C4orf51: variants seen among roughly 807,000 people sequenced by gnomAD.
The protein encoded by C4orf51 is chromosome 4 open reading frame 51.
In C4orf51, 25 loss-of-function variants were observed where a neutral mutation model predicts 25.2. That is an observed-to-expected ratio of 0.99 (90% CI 0.72 to 1.39). C4orf51 has a LOEUF of 1.39. Ranked by LOEUF, C4orf51 falls within the 40% of genes most tolerant of loss-of-function variation. C4orf51 has a pLI of 0.00. For synonymous variants in C4orf51, 100 were observed against 84.5 expected (o/e 1.18, Z -1.01); for missense variants, 252 against 239.6 (o/e 1.05, Z -0.34).
intron 2 of C4orf51, among the ~76,000 whole-genome samples, chr4:145,726,637 C>A (rs1006095999): frequency 6.6e-6 from 1 of 152,130 alleles, no homozygotes; most frequent in Non-Finnish European, 1.5e-5. Flanking sequence ...GAACTCCTGG[C>A]CTCAAGTGAT....
chr4:145,785,811 G>C, the C4orf51 span, among the ~76,000 whole-genome samples: 1 of 152,066 alleles, frequency 6.6e-6, no homozygotes, highest in Non-Finnish European at 1.5e-5. Context: ...AACAAAGGAG[G>C]GATTTTTCTT....
intron 1 of C4orf51, among the ~76,000 whole-genome samples, chr4:145,738,773 G>A (rs1732944606): frequency 6.6e-6 from 1 of 151,922 alleles, no homozygotes; most frequent in Non-Finnish European, 1.5e-5. Context: ...CCGAGTAGCT[G>A]GAACCACAGG....
At chr4:145,781,196 A>AAAAAAAAAAAAAAAAAAAAG in the C4orf51 span, among the ~76,000 whole-genome samples, 1 of 3,292 alleles carries the variant, frequency 3.0e-4, no homozygotes, top group Non-Finnish European at 6.5e-4. Context: ...ACACCATCTC[A>AAAAAAAAAAAAAAAAAAAAG]AAAAAAAAAA....
chr4:145,738,670 T>C (rs1732940336), intron 1 of C4orf51, among the ~76,000 whole-genome samples: 1 of 151,918 alleles, frequency 6.6e-6, no homozygotes, highest in Non-Finnish European at 1.5e-5. Flanking sequence ...GATAGGGTCT[T>C]GCTCTGTCAC....
intron 2 of C4orf51, among the ~76,000 whole-genome samples, chr4:145,701,769 C>T (rs1578953826): frequency 6.6e-6 from 1 of 151,992 alleles, no homozygotes; most frequent in Non-Finnish European, 1.5e-5. Flanking sequence ...TCTAAAAACT[C>T]CCCAACTCTG....
chr4:145,741,180 G>T (rs538998713), intron 1 of C4orf51, among the ~76,000 whole-genome samples: 2 of 152,270 alleles, frequency 1.3e-5, no homozygotes, highest in South Asian at 4.2e-4. Flanking sequence ...CCGGAATTTG[G>T]TGGCTGAGTC....
chr4:145,699,365 A>G (rs1046811158), intron 2 of C4orf51, among the ~76,000 whole-genome samples: 2 of 146,252 alleles, frequency 1.4e-5, no homozygotes, highest in Non-Finnish European at 3.0e-5. Context: ...TCCACCTACG[A>G]CCTCAGGTCC....
At chr4:145,727,301 A>G (rs1732118541) in intron 3 of C4orf51, among the ~76,000 whole-genome samples, 2 of 152,222 alleles carry the variant, frequency 1.3e-5, no homozygotes, top group Non-Finnish European at 2.9e-5. Context: ...CAAATAATAC[A>G]GAGTAACAAA....
intron 2 of C4orf51, among the ~76,000 whole-genome samples, chr4:145,706,594 T>G (rs1730823305): frequency 6.6e-6 from 1 of 152,208 alleles, no homozygotes; most frequent in Admixed American, 6.5e-5. Context: ...AGTCAAAGCC[T>G]TGGTAAAATA....
Position 145,700,265 on chromosome 4 carries a change from C to A in C4orf51, c.307+3633C>A, listed in dbSNP as rs567741954. Among the ~76,000 whole-genome samples, 5 of 152,086 alleles carry A rather than the reference C, an allele frequency of 3.3e-5. No homozygotes were observed. In the East Asian group the frequency reaches 9.7e-4, roughly 30 times the overall value. On this transcript the variant is annotated intron_variant, in intron 2 of 5. Transcript: ENST00000438731. ...CAACCTCTTATCTCTGTGCCCCAAT[C>A]CCTTATTTCCGTGCCCTGACCCCCC...
intron 2 of C4orf51, among the ~76,000 whole-genome samples, chr4:145,698,500 G>C (rs1418888987): frequency 1.3e-5 from 2 of 152,196 alleles, no homozygotes; most frequent in African/African-American, 2.4e-5. Context: ...ACCTGGAGTA[G>C]AACAGAAAGG....
intron 2 of C4orf51, among the ~76,000 whole-genome samples, chr4:145,709,284 C>T: frequency 6.6e-6 from 1 of 152,318 alleles, no homozygotes; most frequent in Middle Eastern, 3.4e-3. Flanking sequence ...AGGTGAAAAA[C>T]CTGCTTCCAA....
chr4:145,760,024 A>G (rs990253413), intron 1 of C4orf51: 3 of 152,242 alleles, frequency 2.0e-5, no homozygotes, highest in East Asian at 1.9e-4. Flanking sequence ...GTGCTGCGAG[A>G]TATTTCTTCC....
intron 2 of C4orf51, among the ~76,000 whole-genome samples, chr4:145,719,922 G>A (rs1731637628): frequency 6.6e-6 from 1 of 152,152 alleles, no homozygotes; most frequent in Non-Finnish European, 1.5e-5. Flanking sequence ...GGCTGTGGGA[G>A]GAGTTGTGGC....
the C4orf51 span, among the ~76,000 whole-genome samples, chr4:145,780,320 CT>C: frequency 6.6e-6 from 1 of 152,232 alleles, no homozygotes; most frequent in Admixed American, 6.5e-5. Context: ...AAGCTTTGCT[CT>C]TCATTCCAGT....
chr4:145,723,658 G>A (rs1184941794), intron 2 of C4orf51, among the ~76,000 whole-genome samples: 1 of 152,202 alleles, frequency 6.6e-6, no homozygotes, highest in East Asian at 1.9e-4. Context: ...AATACCTAAA[G>A]ATAGAATTTG....
At chr4:145,702,063 C>T (rs557088746) in intron 2 of C4orf51, among the ~76,000 whole-genome samples, 1 of 152,226 alleles carries the variant, frequency 6.6e-6, no homozygotes, top group East Asian at 1.9e-4. Context: ...TCACCCATAC[C>T]CCACTCAACG....
intron 2 of C4orf51, among the ~76,000 whole-genome samples, chr4:145,714,550 G>A (rs1353226940): frequency 6.6e-6 from 1 of 152,094 alleles, no homozygotes; most frequent in East Asian, 1.9e-4. Flanking sequence ...TGGTTCATGT[G>A]CTGTTTTTCT....
chr4:145,783,849 G>C, the C4orf51 span, among the ~76,000 whole-genome samples: 1 of 152,172 alleles, frequency 6.6e-6, no homozygotes, highest in Non-Finnish European at 1.5e-5. Context: ...GTTTGGTTCT[G>C]TGTCCCTGCT....
Sources: allele counts gnomAD v4.1 joint callset (sites outside exome capture counted in the v4.1 genomes callset), GRCh38; gene constraint gnomAD v4.1.1; transcripts MANE v1.5; gene names NCBI Gene and HGNC (gene_info 2026-07-23, HGNC 2026-07-21).